The following TREM2 variants were observed in gnomAD, a reference collection of about 807,000 sequenced individuals.
TREM2 encodes triggering receptor expressed on myeloid cells 2.
In TREM2, 20 loss-of-function variants were observed where a neutral mutation model predicts 22.9. The ratio of observed to expected loss-of-function variants is 0.87; its 90% CI spans 0.61 to 1.27. The LOEUF (loss-of-function observed/expected upper bound fraction) is 1.27. Among genes scored for constraint, TREM2 ranks in the 50% most tolerant of loss-of-function variants. The pLI is 0.00. For synonymous variants in TREM2, 111 were observed against 120.9 expected, an observed-to-expected ratio of 0.92 and a Z score of 0.54; for missense variants, 267 against 289.0, an observed-to-expected ratio of 0.92 and a Z score of 0.55.
intron 2 of TREM2, among the ~76,000 whole-genome samples, chr6:41,160,694 A>C (rs1227441304): frequency 1.3e-5 from 2 of 152,092 alleles, no homozygotes; most frequent in African/African-American, 4.8e-5. Context: ...ACTCACAGGA[A>C]CCCTATGGGG....
chr6:41,160,758 G>C (rs1765543005), intron 2 of TREM2, among the ~76,000 whole-genome samples: 1 of 152,226 alleles, frequency 6.6e-6, no homozygotes, highest in Admixed American at 6.5e-5. Flanking sequence ...TGGAGGCCCA[G>C]AGAAGTGAAG....
Position 41,158,866 on chromosome 6 carries a change from A to G in TREM2, c.676+7T>C, listed in dbSNP as rs1765485467. 2 of 1,614,154 alleles carry G rather than the reference A, an allele frequency of 1.2e-6. No homozygotes were observed. The highest frequency in any genetic ancestry group is 1.7e-6 in the Non-Finnish European group (2 of 1,180,016). ...CCACCCTTGATGGCTGTGCTCTCCA[A>G]GCCCACCTGGCAGAGTTTGGAGCTG... is the stretch of plus-strand genomic sequence containing the variant. On this transcript the variant is annotated splice_region_variant and intron_variant, in intron 4 of 4. Transcript: ENST00000373113.
At chr6:41,162,096 T>C (rs944546151) in intron 1 of TREM2, among the ~76,000 whole-genome samples, 2 of 152,220 alleles carry the variant, frequency 1.3e-5, no homozygotes, top group Non-Finnish European at 2.9e-5. Context: ...CGGAGATATT[T>C]TGGGGGAGAC....
At chr6:41,160,051 G>A (rs562311103) in intron 2 of TREM2, among the ~76,000 whole-genome samples, 169 bp from the exon 3 acceptor site, 28 of 152,230 alleles carry the variant, frequency 1.8e-4, no homozygotes, top group Middle Eastern at 3.4e-3. Flanking sequence ...AAAGTGGGCC[G>A]TTAGGAACAC....
intron 3 of TREM2, 27 bp downstream of exon 3, chr6:41,159,765 G>A: frequency 6.2e-7 from 1 of 1,610,180 alleles, no homozygotes; most frequent in Non-Finnish European, 8.5e-7. Flanking sequence ...TCTGCCCACG[G>A]GTTTTAGGAA....
intron 1 of TREM2, 37 bp from the exon 2 acceptor site, chr6:41,161,650 A>G (rs755030265): frequency 1.3e-6 from 2 of 1,556,616 alleles, no homozygotes; most frequent in Non-Finnish European, 1.8e-6. Flanking sequence ...TTTGTTTACC[A>G]AATACGCTTT....
rs117151816 is a variant in TREM2 at position 41,160,109 on chromosome 6, C to T, written c.392-227G>A. ...GGATTCCGTGAGGGCACCTCTGTGC[C>T]GTATCCAGCACCTCATCGGAGCTCA... On this transcript the variant is annotated intron_variant, in intron 2 of 4. Coordinates refer to ENST00000373113, the MANE Select transcript of TREM2 (RefSeq NM_018965.4). 2.6e-3 allele frequency among the ~76,000 whole-genome samples: 399 copies of T among 152,298 alleles called. 10 individuals are homozygous for T. In the South Asian group the frequency reaches 0.055, roughly 21 times the overall value.
At position 41,158,876 on chromosome 6, in the gene TREM2, G is replaced by A. The variant is rs1276123772; in HGVS notation, c.673C>T (p.Pro225Ser). 1.2e-6 allele frequency: 2 copies of A among 1,614,240 alleles called. No individual in the cohort carries two copies. Among genetic ancestry groups the A allele is most frequent in the South Asian group, 1.1e-5 (1 of 91,088 alleles). The change falls in exon 4 of 5, where the codon CCA (proline) becomes TCA (serine). Residue 225 changes from proline (P) to serine (S), a missense_variant. Pro to Ser is a moderately conservative substitution (Grantham distance 74). Coordinates refer to ENST00000373113, the MANE Select transcript of TREM2 (RefSeq NM_018965.4). Reference protein sequence around the residue: ...HDPGYQLQTLPGLRDT With the variant: ...HDPGYQLQTLSGLRDT ...TGGCTGTGCTCTCCAAGCCCACCTG[G>A]CAGAGTTTGGAGCTGATACCCTGGG...
In TREM2 at chr6:41,161,500, G is replaced by T; in HGVS notation, c.154C>A (p.Arg52Ser). The change falls in exon 2 of 5, where the codon CGC (arginine) becomes AGC (serine). Residue 52 changes from arginine (R) to serine (S), a missense_variant. By Grantham distance (110) the Arg-to-Ser change is moderately radical. Transcript: ENST00000373113. ...CATGGGCCCTTCTCTCCCAGCTGGC[G>T]GCACCAGGCCTTGCGCCTCCCCCAG... ...KHWGRRKAWC[R>S]QLGEKGPCQR... is the part of the protein sequence containing the mutation. The T allele has an allele frequency of 1.2e-6, 2 of 1,614,214 alleles. No homozygotes were observed. The highest frequency in any genetic ancestry group is 1.7e-6 in the Non-Finnish European group (2 of 1,180,036).
At position 41,158,980 on chromosome 6, in the gene TREM2, G is replaced by A. The variant is rs541549712; in HGVS notation, c.569C>T (p.Ala190Val). 2.5e-6 allele frequency: 4 copies of A among 1,614,220 alleles called. No individual in the cohort carries two copies. Among genetic ancestry groups the A allele is most frequent in the Middle Eastern group, 1.7e-4 (1 of 6,060 alleles). Residue 190 changes from alanine (A) to valine (V), a missense_variant, in exon 4 of 5, where the codon GCC becomes GTC. Ala to Val is a moderately conservative substitution (Grantham distance 64). Coordinates refer to ENST00000373113, the MANE Select transcript of TREM2 (RefSeq NM_018965.4). ...CCAGGCTGCAGCCCAGAGGGCGCTG[G>A]CTGCTAGAATCTTGATGAGAAAGAT... is the stretch of plus-strand genomic sequence containing the variant. The part of the protein sequence containing the change: ...ACIFLIKILA[A>V]SALWAAAWHG...
At position 41,158,553 on chromosome 6, in the gene TREM2, A is replaced by G. The variant is rs781349714; in HGVS notation, c.*211T>C. The G allele has an allele frequency of 6.6e-7, 1 of 1,508,170 alleles. No individual in the cohort carries two copies. The highest frequency in any genetic ancestry group is 1.2e-5 in the South Asian group (1 of 81,658). 93.4% of individuals were successfully genotyped at this position (1,508,170 alleles called of 1,614,324 possible). A position where few individuals can be genotyped will look rare whatever the true frequency, so the allele number is the denominator to read the frequency against. ...TTGGATTTATTTGTAAGTGTTTAAA[A>G]TGTCCAATATTCAGAAGTTGTCAGG... On this transcript the variant is annotated 3_prime_UTR_variant, in exon 5 of 5. Transcript: ENST00000373113.
rs200484220 is a variant in TREM2, at chr6:41,159,085, C to A, written c.483-19G>T. The A allele has an allele frequency of 3.1e-6, 5 of 1,605,418 alleles. No homozygotes were observed. In the East Asian group the frequency reaches 6.7e-5, roughly 22 times the overall value. ...GAGGCTCCTTGGAGAGACAAGAAGG[C>A]AGATGGGAGCCTTGAGATGGCCTAC... On this transcript the variant is annotated intron_variant, in intron 3 of 4. Coordinates refer to ENST00000373113, the MANE Select transcript of TREM2 (RefSeq NM_018965.4).
rs535445613 is a variant in TREM2, at chr6:41,159,200, C to A, written c.483-134G>T. On this transcript the variant is annotated intron_variant, in intron 3 of 4. Transcript: ENST00000373113. ...ACCCAGCACCATCCCTGGGATGGGCCTTTTTGGAGCTTTGGGAGCCCATAG... is the reference window on the plus strand; with the variant it reads ...ACCCAGCACCATCCCTGGGATGGGCATTTTTGGAGCTTTGGGAGCCCATAG... The A allele has an allele frequency of 1.4e-3, 1,536 of 1,077,060 alleles. 29 individuals are homozygous for A. The South Asian group carries it at 0.019, about 14-fold the overall frequency. 66.7% of individuals were successfully genotyped at this position (1,077,060 alleles called of 1,614,324 possible).
chr6:41,159,108 T>C, intron 3 of TREM2, 42 bp from the exon 4 acceptor site: 2 of 1,582,416 alleles, frequency 1.3e-6, no homozygotes, highest in Non-Finnish European at 1.7e-6. Context: ...TGAGATGGCC[T>C]ACAGATTAGA....
Position 41,160,159 on chromosome 6 carries a change from C to T in TREM2, c.392-277G>A, listed in dbSNP as rs115121185. 4.4e-3 allele frequency among the ~76,000 whole-genome samples: 664 copies of T among 152,300 alleles called. 4 individuals carry two copies. Among genetic ancestry groups the T allele is most frequent in the African/African-American group, 0.015 (636 of 41,560 alleles). ...AGTAACTGCAATGCCCCCCTCCTTC[C>T]GCACAGGGGCTAAGAAGAGCAAATA... On this transcript the variant is annotated intron_variant, in intron 2 of 4. Transcript: ENST00000373113.
chr6:41,162,958 TCACCCCAGGGCC>T, intron 1 of TREM2, 73 bp downstream of exon 1: 2 of 1,590,704 alleles, frequency 1.3e-6, no homozygotes, highest in Non-Finnish European at 1.7e-6. Context: ...CCTTCATAAT[TCACCCCAGGGCC>T]CACCACCCGC....
intron 1 of TREM2, among the ~76,000 whole-genome samples, chr6:41,162,663 C>G (rs939451159): frequency 6.6e-6 from 1 of 152,094 alleles, no homozygotes; most frequent in Admixed American, 6.5e-5. Flanking sequence ...TCCTTTATAA[C>G]TGTAGGGGCT....
chr6:41,161,191 T>C lies in TREM2; in HGVS notation c.391+72A>G, dbSNP rs113831451. On this transcript the variant is annotated intron_variant, in intron 2 of 4. Coordinates refer to ENST00000373113, the MANE Select transcript of TREM2 (RefSeq NM_018965.4). Reference sequence around the variant, plus strand: ...GATCCCTGAGAGCCCAGTGGGTGGTTCTGCACACAGACGCCCAAAACATGA... The same window carrying C: ...GATCCCTGAGAGCCCAGTGGGTGGTCCTGCACACAGACGCCCAAAACATGA... 3.5e-6 allele frequency: 5 copies of C among 1,411,388 alleles called. No homozygotes were observed. In the African/African-American group the frequency reaches 4.2e-5, roughly 12 times the overall value. 87.4% of individuals were successfully genotyped at this position (1,411,388 alleles called of 1,614,324 possible).
rs1351698241 is a variant in TREM2, at chr6:41,159,773, G to A, written c.482+19C>T. On this transcript the variant is annotated intron_variant, in intron 3 of 4. Transcript: ENST00000373113. Reference sequence around the variant, plus strand: ...GTGGAAGTCTGCCCACGGGTTTTAGGAAAGACCCATCGCTGTACCTGGAGA... The same window carrying A: ...GTGGAAGTCTGCCCACGGGTTTTAGAAAAGACCCATCGCTGTACCTGGAGA... The A allele has an allele frequency of 1.9e-6, 3 of 1,611,464 alleles. No individual in the cohort carries two copies. The highest frequency in any genetic ancestry group is 2.5e-6 in the Non-Finnish European group (3 of 1,177,770).
Sources: allele counts gnomAD v4.1 joint callset (sites outside exome capture counted in the v4.1 genomes callset), GRCh38; gene constraint gnomAD v4.1.1; transcripts MANE v1.5; gene names NCBI Gene and HGNC (gene_info 2026-07-23, HGNC 2026-07-21).